The following LRMDA variants were observed in gnomAD, a reference collection of about 807,000 sequenced individuals.
LRMDA encodes the protein leucine-rich melanocyte differentiation-associated protein.
LRMDA carries 18 observed loss-of-function variants against 29.8 expected under a neutral mutation model. The observed-to-expected ratio is 0.60, with a 90% CI of 0.42 to 0.90. The LOEUF is 0.90. LRMDA is among the 40% of genes least tolerant of loss of function. The pLI is 0.00. For missense variants in LRMDA, 273 were observed against 273.9 expected, an observed-to-expected ratio of 1.00 and a Z score of 0.02; for synonymous variants, 125 against 109.4, an observed-to-expected ratio of 1.14 and a Z score of -0.89.
At chr10:76,376,868 T>G (rs1243297456) in intron 6 of LRMDA, among the ~76,000 whole-genome samples, 7 of 46,870 alleles carry the variant, frequency 1.5e-4, no homozygotes, top group African/African-American at 8.3e-4. Flanking sequence ...TGGAAGTCTT[T>G]TTTTTTTTTT....
intron 6 of LRMDA, among the ~76,000 whole-genome samples, chr10:76,531,187 T>C (rs1217249029): frequency 1.3e-5 from 2 of 152,132 alleles, no homozygotes; most frequent in Non-Finnish European, 1.5e-5. Context: ...TTCTCTAATA[T>C]GGGAGAGACC....
chr10:75,614,895 G>T (rs2132101913), intron 2 of LRMDA, among the ~76,000 whole-genome samples: 1 of 152,244 alleles, frequency 6.6e-6, no homozygotes, highest in East Asian at 1.9e-4. Context: ...GTGTTCAGTG[G>T]CTGGAAAAGA....
chr10:76,202,245 A>G (rs900465885), intron 5 of LRMDA, among the ~76,000 whole-genome samples: 1 of 152,202 alleles, frequency 6.6e-6, no homozygotes, highest in Non-Finnish European at 1.5e-5. Context: ...ATTGAGAGCC[A>G]TTACCGCAAC....
intron 2 of LRMDA, among the ~76,000 whole-genome samples, chr10:75,452,545 AG>A (rs1217701349): frequency 7.1e-6 from 1 of 141,532 alleles, no homozygotes. Context: ...GTCTTACCCA[AG>A]GTTAAAACTC....
intron 2 of LRMDA, among the ~76,000 whole-genome samples, chr10:75,547,350 G>A (rs964001163): frequency 7.2e-5 from 11 of 152,180 alleles, no homozygotes; most frequent in African/African-American, 4.8e-5. Flanking sequence ...TGGGAAGCTG[G>A]TTTTCTTTGC....
At chr10:76,039,511 T>A (rs946608119) in intron 3 of LRMDA, among the ~76,000 whole-genome samples, 1 of 152,232 alleles carries the variant, frequency 6.6e-6, no homozygotes, top group Non-Finnish European at 1.5e-5. Context: ...ATCTAGATTT[T>A]TCCACTTTGG....
chr10:76,122,776 T>C (rs1022118887), intron 5 of LRMDA, among the ~76,000 whole-genome samples: 15 of 152,166 alleles, frequency 9.9e-5, no homozygotes. Flanking sequence ...TTTGTTAGGC[T>C]TGCCTTTCTG....
chr10:76,489,976 A>G (rs1256520009), intron 6 of LRMDA, among the ~76,000 whole-genome samples: 1 of 151,916 alleles, frequency 6.6e-6, no homozygotes, highest in Non-Finnish European at 1.5e-5. Context: ...TCTTTCCTTT[A>G]TAAATTACCC....
intron 2 of LRMDA, among the ~76,000 whole-genome samples, chr10:75,812,374 G>A (rs569821623): frequency 1.3e-5 from 2 of 152,178 alleles, no homozygotes; most frequent in East Asian, 3.9e-4. Flanking sequence ...CACGTACAAT[G>A]TGTCTTTGGG....
intron 5 of LRMDA, among the ~76,000 whole-genome samples, chr10:76,214,469 C>T (rs1165399411): frequency 2.0e-5 from 3 of 151,742 alleles, no homozygotes; most frequent in South Asian, 4.2e-4. Context: ...CTCAGCCTCC[C>T]GAGTAGCTGG....
At chr10:75,711,859 T>A in intron 2 of LRMDA, among the ~76,000 whole-genome samples, 1 of 152,086 alleles carries the variant, frequency 6.6e-6, no homozygotes, top group East Asian at 1.9e-4. Flanking sequence ...AATGATCTTT[T>A]GAATAAAAAT....
Position 76,265,316 on chromosome 10 carries a change from G to T in LRMDA, c.517-59085G>T, listed in dbSNP as rs543432442. On this transcript the variant is annotated intron_variant, in intron 5 of 6. Coordinates refer to ENST00000611255, the MANE Select transcript of LRMDA (RefSeq NM_001305581.2). ...CTTTGAGGGCAATGTTTTTATTATT[G>T]CTCTTCCACCCAGGCTGAAAGTTGA... Among the ~76,000 whole-genome samples, 5 of 152,196 alleles carry T rather than the reference G, an allele frequency of 3.3e-5. 1 individual carries two copies. The highest frequency in any genetic ancestry group is 6.5e-5 in the Admixed American group (1 of 15,274).
chr10:76,312,732 T>C (rs1489358583), intron 5 of LRMDA, among the ~76,000 whole-genome samples: 1 of 151,880 alleles, frequency 6.6e-6, no homozygotes, highest in African/African-American at 2.4e-5. Context: ...ATAATGAAGC[T>C]AGGGATCTCA....
chr10:75,763,834 TG>T (rs1843127751), intron 2 of LRMDA, among the ~76,000 whole-genome samples: 1 of 152,076 alleles, frequency 6.6e-6, no homozygotes, highest in Admixed American at 6.6e-5. Flanking sequence ...GTGTCCACCA[TG>T]CTTAGCGGAA....
intron 5 of LRMDA, among the ~76,000 whole-genome samples, chr10:76,263,230 CTT>C (rs1282505464): frequency 6.6e-6 from 1 of 151,958 alleles, no homozygotes; most frequent in Non-Finnish European, 1.5e-5. Flanking sequence ...TTTCAATATG[CTT>C]TATTATAATC....
chr10:75,918,777 A>G (rs1319489912), intron 2 of LRMDA, among the ~76,000 whole-genome samples: 1 of 152,148 alleles, frequency 6.6e-6, no homozygotes, highest in African/African-American at 2.4e-5. Context: ...TAGAGTAGGT[A>G]AGTATGAATG....
chr10:75,569,328 A>G (rs900421069), intron 2 of LRMDA, among the ~76,000 whole-genome samples: 3 of 152,222 alleles, frequency 2.0e-5, no homozygotes, highest in African/African-American at 7.2e-5. Flanking sequence ...TGGGTTTCCT[A>G]GACAAGGGAG....
intron 2 of LRMDA, among the ~76,000 whole-genome samples, chr10:75,725,501 G>A (rs1396061668): frequency 1.3e-5 from 2 of 152,144 alleles, no homozygotes; most frequent in African/African-American, 2.4e-5. Context: ...TTTATGAATC[G>A]TCAAACTTCC....
At chr10:75,750,439 G>C (rs1482343913) in intron 2 of LRMDA, among the ~76,000 whole-genome samples, 1 of 150,094 alleles carries the variant, frequency 6.7e-6, no homozygotes, top group Non-Finnish European at 1.5e-5. Flanking sequence ...GTTCCCAGAC[G>C]GGGTCGCGGC....
Sources: gnomAD v4.1 joint callset for allele counts (sites outside exome capture counted in the v4.1 genomes callset) on GRCh38, gnomAD v4.1.1 for gene constraint, MANE v1.5 for transcripts, NCBI Gene and HGNC (gene_info 2026-07-23, HGNC 2026-07-21) for gene names.